FOXP4: variants seen among roughly 807,000 people sequenced by gnomAD.
The protein encoded by FOXP4 is forkhead box protein P4.
FOXP4 carries 25 observed loss-of-function variants against 82.6 expected under a neutral mutation model. The observed-to-expected ratio is 0.30, with a 90% CI of 0.22 to 0.42. The LOEUF (loss-of-function observed/expected upper bound fraction) is 0.42, where lower values mean the gene tolerates loss of function less well. Ranked by LOEUF, FOXP4 falls within the 10% of genes least tolerant of loss-of-function variation. The pLI, the probability that FOXP4 is intolerant of heterozygous loss-of-function variation, is 1.00. For synonymous variants in FOXP4, 415 were observed against 388.2 expected (o/e 1.07, Z -0.81); for missense variants, 785 against 900.9 (o/e 0.87, Z 1.65).
At chr6:41,547,906 AC>A (rs1763749700) in intron 1 of FOXP4, among the ~76,000 whole-genome samples, 1 of 152,200 alleles carries the variant, frequency 6.6e-6, no homozygotes, top group Non-Finnish European at 1.5e-5. Flanking sequence ...GCGTCAGAGC[AC>A]AGCCAGTGGC....
At chr6:41,562,551 C>T (rs115244529) in intron 1 of FOXP4, among the ~76,000 whole-genome samples, 297 of 152,288 alleles carry the variant, frequency 2.0e-3, no homozygotes, top group African/African-American at 7.0e-3. Context: ...TTCCTTCTTT[C>T]TCTTTTTCCA....
rs757984411 is a variant in FOXP4 at position 41,587,107 on chromosome 6, C to T, written c.609C>T (p.Val203=). ...HLLNLQRQGL[V]SLQPNQASGP... The stretch of plus-strand genomic sequence containing the variant: ...TCAACCTGCAGAGGCAGGGGCTGGT[C>T]AGCCTGCAGCCCAACCAAGCCTCGG... Residue 203 remains valine (V), a synonymous_variant, in exon 6 of 17, where the codon GTC becomes GTT. Transcript: ENST00000307972. 5 of 1,608,870 alleles carry T rather than the reference C, an allele frequency of 3.1e-6. No individual in the cohort carries two copies. The highest frequency in any genetic ancestry group is 4.2e-6 in the Non-Finnish European group (5 of 1,177,154).
At chr6:41,579,955 G>A (rs1298557009) in intron 3 of FOXP4, among the ~76,000 whole-genome samples, 2 of 152,078 alleles carry the variant, frequency 1.3e-5, no homozygotes, top group African/African-American at 4.8e-5. Flanking sequence ...AGGAAACTGA[G>A]GCCCAGAGAG....
chr6:41,587,665 T>G, intron 7 of FOXP4, 128 bp from the exon 8 acceptor site: 4 of 907,652 alleles, frequency 4.4e-6, no homozygotes, highest in Non-Finnish European at 6.8e-6. Flanking sequence ...GTACAGATGG[T>G]GCTTGGCCGC....
chr6:41,564,204 A>T (rs1394356680), intron 1 of FOXP4, among the ~76,000 whole-genome samples: 1 of 152,220 alleles, frequency 6.6e-6, no homozygotes, highest in Non-Finnish European at 1.5e-5. Context: ...CTATAATCCC[A>T]GCACTTTCGG....
chr6:41,572,255 C>G (rs1765240102), intron 2 of FOXP4, among the ~76,000 whole-genome samples: 1 of 152,174 alleles, frequency 6.6e-6, no homozygotes, highest in Non-Finnish European at 1.5e-5. Context: ...GAGTTGCCTC[C>G]TCCTGATGTT....
chr6:41,598,803 T>C lies in FOXP4; in HGVS notation c.1910T>C (p.Val637Ala). ...SPPQYSHQVQ[V>A]KEEPAEAEED... ...TTTTGCCTCAGCCACCAGGTGCAGG[T>C]GAAGGAGGAGCCAGCAGAGGCAGAG... The change falls in exon 17 of 17, where the codon GTG becomes GCG. Residue 637 changes from valine (V) to alanine (A), a missense_variant. Val to Ala is a moderately conservative substitution (Grantham distance 64). This residue lies in a region of FOXP4 where 184 missense variants were observed against 187.3 expected (regional missense o/e 0.98). Transcript: ENST00000307972. 6.4e-7 allele frequency: 1 copy of C among 1,563,274 alleles called. No homozygotes were observed. Among genetic ancestry groups the C allele is most frequent in the Non-Finnish European group, 8.7e-7 (1 of 1,153,998 alleles).
intron 1 of FOXP4, among the ~76,000 whole-genome samples, chr6:41,547,236 A>T (rs1376712663): frequency 6.6e-6 from 1 of 151,578 alleles, no homozygotes; most frequent in East Asian, 2.0e-4. Flanking sequence ...GCCCTTCCCC[A>T]AGAATCTGGG....
At chr6:41,566,658 G>A (rs886315854) in intron 2 of FOXP4, among the ~76,000 whole-genome samples, 3 of 152,224 alleles carry the variant, frequency 2.0e-5, no homozygotes, top group Admixed American at 1.3e-4. Context: ...GGGGTCTCAT[G>A]TCCTGGTCCC....
chr6:41,569,137 C>T (rs1249686713), intron 2 of FOXP4, among the ~76,000 whole-genome samples: 1 of 152,120 alleles, frequency 6.6e-6, no homozygotes, highest in Non-Finnish European at 1.5e-5. Context: ...GGGCTTTCAC[C>T]AAGTCTGCAG....
intron 2 of FOXP4, 94 bp downstream of exon 2, chr6:41,566,058 C>A (rs1385101335): frequency 2.3e-6 from 3 of 1,322,974 alleles, no homozygotes; most frequent in Admixed American, 2.2e-5. Flanking sequence ...CCACTCCCTG[C>A]CAGGCAGCCT....
chr6:41,567,409 A>C (rs578244382), intron 2 of FOXP4, among the ~76,000 whole-genome samples: 1 of 152,220 alleles, frequency 6.6e-6, no homozygotes, highest in African/African-American at 2.4e-5. Flanking sequence ...GCATCTCCCA[A>C]GCCTTCCTAA....
Position 41,591,199 on chromosome 6 carries a change from T to C in FOXP4, c.1435-22T>C. ...CTTCGAGGCCCAGGCTGACGGTCCCTTTGCTTGTTCCTTCCCCGCAGGCCA... is the reference window on the plus strand; with the variant it reads ...CTTCGAGGCCCAGGCTGACGGTCCCCTTGCTTGTTCCTTCCCCGCAGGCCA... On this transcript the variant is annotated intron_variant, in intron 12 of 16. Coordinates refer to ENST00000307972, the MANE Select transcript of FOXP4 (RefSeq NM_001012426.2). The surrounding 1 kb of genome is among the most constrained non-coding windows in gnomAD (Gnocchi z 4.2). 6.3e-7 allele frequency: 1 copy of C among 1,592,564 alleles called. No individual in the cohort carries two copies. Among genetic ancestry groups the C allele is most frequent in the Non-Finnish European group, 8.6e-7 (1 of 1,167,750 alleles).
chr6:41,586,280 C>T (rs199565844), intron 5 of FOXP4, among the ~76,000 whole-genome samples: 1 of 152,186 alleles, frequency 6.6e-6, no homozygotes, highest in Non-Finnish European at 1.5e-5. Flanking sequence ...CCCACCCTAC[C>T]CCATGCTTCC....
intron 1 of FOXP4, among the ~76,000 whole-genome samples, chr6:41,560,029 A>G (rs764432222): frequency 3.9e-5 from 6 of 152,198 alleles, no homozygotes; most frequent in South Asian, 2.1e-4. Context: ...TCTTATTGCA[A>G]TCTGCTTCCT....
intron 1 of FOXP4, among the ~76,000 whole-genome samples, chr6:41,556,325 G>GT (rs11314988): frequency 0.039 from 5,331 of 136,850 alleles, 281 homozygotes; most frequent in East Asian, 0.18. Flanking sequence ...CTCTGTGAAT[G>GT]TTTTTTTTTT....
rs1044052878 is a variant in FOXP4, at chr6:41,587,414, C to T, written c.774C>T (p.Thr258=). 9 of 1,584,252 alleles carry T rather than the reference C, an allele frequency of 5.7e-6. No individual in the cohort carries two copies. The African/African-American group carries it at 6.7e-5, about 12-fold the overall frequency. Residue 258 remains threonine, a synonymous_variant, in exon 7 of 17, where the codon ACC becomes ACT. Coordinates refer to ENST00000307972, the MANE Select transcript of FOXP4 (RefSeq NM_001012426.2). The part of the protein sequence containing the change: ...EGLDLTGTAA[T]ATSFAAPPKV... ...TGGACCTCACTGGCACGGCCGCCAC[C>T]GCTACCTCGTTTGCCGCTCCCCCCA...
chr6:41,589,929 G>A (rs773624916), intron 10 of FOXP4, 34 bp from the exon 11 acceptor site: 2 of 1,611,750 alleles, frequency 1.2e-6, no homozygotes, highest in South Asian at 2.2e-5. Flanking sequence ...CCACCCTCGG[G>A]CACTGGTCTC....
chr6:41,560,890 G>A (rs1764537860), intron 1 of FOXP4, among the ~76,000 whole-genome samples: 1 of 152,236 alleles, frequency 6.6e-6, no homozygotes, highest in Admixed American at 6.5e-5. Context: ...TTCTCCGCAT[G>A]TGGGGTTCCC....
Sources: allele counts gnomAD v4.1 joint callset (sites outside exome capture counted in the v4.1 genomes callset), GRCh38; gene constraint gnomAD v4.1.1; regional missense constraint gnomAD v4.1.1; non-coding constraint Gnocchi (gnomAD v3.1); transcripts MANE v1.5; gene names NCBI Gene and HGNC (gene_info 2026-07-23, HGNC 2026-07-21).